SCD: variants seen among roughly 807,000 people sequenced by gnomAD.
SCD encodes the protein acyl-CoA desaturase.
A neutral mutation model predicts 35.7 loss-of-function variants in SCD; 4 were observed. That is an observed-to-expected ratio of 0.11 (90% CI 0.06 to 0.26). The LOEUF (loss-of-function observed/expected upper bound fraction) is 0.26, where lower values mean the gene tolerates loss of function less well. SCD is among the 10% of genes least tolerant of loss of function. The pLI, the probability that SCD is intolerant of heterozygous loss-of-function variation, is 1.00. For synonymous variants in SCD, 150 were observed against 170.2 expected, an observed-to-expected ratio of 0.88 and a Z score of 0.92; for missense variants, 282 against 460.7, an observed-to-expected ratio of 0.61 and a Z score of 3.55.
Position 100,354,485 on chromosome 10 carries a change from A to C in SCD, c.500A>C (p.His167Pro). The C allele has an allele frequency of 6.2e-7, 1 of 1,614,022 alleles. No homozygotes were observed. Among genetic ancestry groups the C allele is most frequent in the Non-Finnish European group, 8.5e-7 (1 of 1,179,884 alleles). The change falls in exon 4 of 6, where the codon CAT becomes CCT. Residue 167 changes from histidine to proline, a missense_variant. Physicochemically the swap from His to Pro is moderately conservative, Grantham distance 77. Transcript: ENST00000370355. ...GCCCACCACAAGTTTTCAGAAACAC[A>C]TGCTGATCCTCATAATTCCCGACGT... ...HRAHHKFSETHADPHNSRRGF... is the reference protein window; with the variant it reads ...HRAHHKFSETPADPHNSRRGF...
At chr10:100,358,156 T>G (rs1849948173) in intron 5 of SCD, among the ~76,000 whole-genome samples, 1 of 152,086 alleles carries the variant, frequency 6.6e-6, no homozygotes, top group Non-Finnish European at 1.5e-5. Context: ...CATGCCACCA[T>G]GCTTGGCTAA....
At chr10:100,355,904 G>A (rs1315784656) in intron 4 of SCD, among the ~76,000 whole-genome samples, 1 of 152,178 alleles carries the variant, frequency 6.6e-6, no homozygotes, top group African/African-American at 2.4e-5. Context: ...GAATTAGGGA[G>A]TAGCTAGCAG....
At chr10:100,358,864 G>A (rs1849959808) in intron 5 of SCD, among the ~76,000 whole-genome samples, 1 of 151,814 alleles carries the variant, frequency 6.6e-6, no homozygotes, top group Non-Finnish European at 1.5e-5. Flanking sequence ...GGAGGCAGAG[G>A]TTGCAATGAG....
Position 100,352,219 on chromosome 10 carries a change from G to A in SCD, c.311-147G>A. 3.0e-6 allele frequency: 2 copies of A among 664,320 alleles called. No individual in the cohort carries two copies. Among genetic ancestry groups the A allele is most frequent in the South Asian group, 2.0e-5 (1 of 50,382 alleles). The allele number at this position is 664,320 out of a possible 1,614,324, so 41.2% of individuals were successfully genotyped here. A position where few individuals can be genotyped will look rare whatever the true frequency, so the allele number is the denominator to read the frequency against. On this transcript the variant is annotated intron_variant, in intron 2 of 5. Transcript: ENST00000370355. This position sits in a 1 kb window ranked among gnomAD's most constrained non-coding sequence, Gnocchi z 4.2. ...TTTCAAGTGGTAAAATCTAAGGGAT[G>A]TGGTTATCCCTAGAGTTCATGGTAA...
chr10:100,348,582 G>A (rs1849834282), intron 2 of SCD, among the ~76,000 whole-genome samples: 1 of 114,250 alleles, frequency 8.8e-6, no homozygotes, highest in South Asian at 3.1e-4. Context: ...TGTGGGCTTT[G>A]AAGTGTGCTG....
Position 100,361,191 on chromosome 10 carries a change from C to T in SCD, c.*258C>T, listed in dbSNP as rs1176576218. ...TCCTTTTCACTTTATTGCTATCGCC[C>T]TCCTTTCCCTTATTGCCTCCCAGGC... On this transcript the variant is annotated 3_prime_UTR_variant, in exon 6 of 6. Coordinates refer to ENST00000370355, the MANE Select transcript of SCD (RefSeq NM_005063.5). 6 of 462,396 alleles carry T rather than the reference C, an allele frequency of 1.3e-5. No homozygotes were observed. Among genetic ancestry groups the T allele is most frequent in the Non-Finnish European group, 2.3e-5 (6 of 257,382 alleles). 28.6% of individuals were successfully genotyped at this position (462,396 alleles called of 1,614,324 possible). A position where few individuals can be genotyped will look rare whatever the true frequency, so the allele number is the denominator to read the frequency against.
intron 5 of SCD, among the ~76,000 whole-genome samples, chr10:100,358,927 A>C (rs1253351219): frequency 6.6e-6 from 1 of 152,088 alleles, no homozygotes; most frequent in African/African-American, 2.4e-5. Flanking sequence ...CCATCTCAAA[A>C]ATATATAATA....
rs922706735 is a variant in SCD at position 100,362,594 on chromosome 10, T to G, written c.*1661T>G. ...CTTTGTGTGTATTCAGAGGCAGTGATGACTTGCTGTCCAGGCAGCTCCCTC... is the reference window on the plus strand; with the variant it reads ...CTTTGTGTGTATTCAGAGGCAGTGAGGACTTGCTGTCCAGGCAGCTCCCTC... On this transcript the variant is annotated 3_prime_UTR_variant, in exon 6 of 6. Transcript: ENST00000370355. 1.3e-5 allele frequency: 2 copies of G among 152,256 alleles called. No homozygotes were observed. Among genetic ancestry groups the G allele is most frequent in the African/African-American group, 4.8e-5 (2 of 41,452 alleles). The allele number at this position is 152,256 out of a possible 1,614,324, so 9.4% of individuals were successfully genotyped here. A position where few individuals can be genotyped will look rare whatever the true frequency, so the allele number is the denominator to read the frequency against.
At position 100,362,413 on chromosome 10, in the gene SCD, A is replaced by C. The variant is rs1849998549; in HGVS notation, c.*1480A>C. 1 of 152,166 alleles carries C rather than the reference A, an allele frequency of 6.6e-6. No homozygotes were observed. The highest frequency in any genetic ancestry group is 2.4e-5 in the African/African-American group (1 of 41,432). The allele number at this position is 152,166 out of a possible 1,614,324, so 9.4% of individuals were successfully genotyped here. On this transcript the variant is annotated 3_prime_UTR_variant, in exon 6 of 6. Transcript: ENST00000370355. ...TGAGGAGAAGGGGGTCTCTGTTAACATCTAGCCTAAAGTATACAACTGCCT... is the reference window on the plus strand; with the variant it reads ...TGAGGAGAAGGGGGTCTCTGTTAACCTCTAGCCTAAAGTATACAACTGCCT...
At chr10:100,351,073 T>A (rs1290023327) in intron 2 of SCD, among the ~76,000 whole-genome samples, 1 of 152,230 alleles carries the variant, frequency 6.6e-6, no homozygotes, top group African/African-American at 2.4e-5. Context: ...TGTCTCCAAC[T>A]GCAACTAAGT....
intron 3 of SCD, 44 bp from the exon 4 acceptor site, chr10:100,354,383 G>GT: frequency 6.5e-7 from 1 of 1,529,576 alleles, no homozygotes; most frequent in Non-Finnish European, 9.1e-7. Context: ...TCCTAATAGG[G>GT]TGTCTATCCT....
In SCD at chr10:100,348,098, C is replaced by T. The variant is rs754568291; in HGVS notation, c.62C>T (p.Thr21Ile). 22 of 1,613,772 alleles carry T rather than the reference C, an allele frequency of 1.4e-5. No homozygotes were observed. The highest frequency in any genetic ancestry group is 1.9e-5 in the Non-Finnish European group (22 of 1,179,814). ...SSSYTTTTTITAPPSRVLQNG... is the reference protein window; with the variant it reads ...SSSYTTTTTIIAPPSRVLQNG... ...TCCTATACCACCACCACCACCATTA[C>T]AGCGCCTCCCTCCAGGGTCCTGCAG... Residue 21 changes from threonine (T) to isoleucine (I), a missense_variant, in exon 2 of 6, where the codon ACA (threonine) becomes ATA (isoleucine). Thr to Ile is a moderately conservative substitution (Grantham distance 89). Coordinates refer to ENST00000370355, the MANE Select transcript of SCD (RefSeq NM_005063.5).
chr10:100,348,994 A>C (rs747608337), intron 2 of SCD, among the ~76,000 whole-genome samples: 2 of 152,160 alleles, frequency 1.3e-5, no homozygotes, highest in Non-Finnish European at 2.9e-5. Flanking sequence ...CCAGTCAACA[A>C]AATGCTCTTA....
intron 1 of SCD, 32 bp downstream of exon 1, chr10:100,347,563 G>T: frequency 6.2e-7 from 1 of 1,612,828 alleles, no homozygotes; most frequent in Non-Finnish European, 8.5e-7. Flanking sequence ...CGTACCGCCG[G>T]GTCGCAGGCG....
chr10:100,361,046 C>G lies in SCD; in HGVS notation c.*113C>G, dbSNP rs1849985219. ...GATGCTAAAGATGATGATGTTAACC[C>G]ATTCCAGTACAGTATTCTTTTAAAA... On this transcript the variant is annotated 3_prime_UTR_variant, in exon 6 of 6. Transcript: ENST00000370355. 1.2e-6 allele frequency: 1 copy of G among 848,912 alleles called. No homozygotes were observed. Among genetic ancestry groups the G allele is most frequent in the Non-Finnish European group, 1.8e-6 (1 of 553,252 alleles). 52.6% of individuals were successfully genotyped at this position (848,912 alleles called of 1,614,324 possible).
At chr10:100,359,764 T>C (rs1849970796) in intron 5 of SCD, among the ~76,000 whole-genome samples, 1 of 152,232 alleles carries the variant, frequency 6.6e-6, no homozygotes, top group Non-Finnish European at 1.5e-5. Flanking sequence ...TTAGTAGCTA[T>C]TCTTTATCCA....
intron 4 of SCD, 56 bp downstream of exon 4, chr10:100,354,688 AC>A: frequency 7.3e-7 from 1 of 1,375,240 alleles, no homozygotes; most frequent in Non-Finnish European, 1.0e-6. Context: ...GTCATTAGGG[AC>A]CCCATTTTTT....
At chr10:100,350,750 G>T (rs1037867615) in intron 2 of SCD, among the ~76,000 whole-genome samples, 7 of 152,198 alleles carry the variant, frequency 4.6e-5, no homozygotes, top group African/African-American at 1.7e-4. Flanking sequence ...AACCCTAGAA[G>T]CTCCCTTGCT....
At chr10:100,350,465 G>T (rs1432132261) in intron 2 of SCD, among the ~76,000 whole-genome samples, 1 of 152,032 alleles carries the variant, frequency 6.6e-6, no homozygotes, top group Non-Finnish European at 1.5e-5. Flanking sequence ...AATGCCTCTG[G>T]CAACACTGAG....
Sources: gnomAD v4.1 joint callset for allele counts (sites outside exome capture counted in the v4.1 genomes callset) on GRCh38, gnomAD v4.1.1 for gene constraint, Gnocchi (gnomAD v3.1) non-coding constraint, MANE v1.5 for transcripts, NCBI Gene and HGNC (gene_info 2026-07-23, HGNC 2026-07-21) for gene names.